The following JAK2 variants were observed in gnomAD, a reference collection of about 807,000 sequenced individuals.
The protein encoded by JAK2 is Janus kinase 2, also known as tyrosine-protein kinase JAK2.
A neutral mutation model predicts 139.3 loss-of-function variants in JAK2; 86 were observed. The ratio of observed to expected loss-of-function variants is 0.62; its 90% confidence interval spans 0.52 to 0.74. JAK2 has a LOEUF of 0.74. JAK2 is among the 30% of genes least tolerant of loss of function. JAK2 has a pLI of 0.00. For missense variants in JAK2, 1,421 were observed against 1,360.3 expected, an observed-to-expected ratio of 1.04 and a Z score of -0.70; for synonymous variants, 490 against 437.7, an observed-to-expected ratio of 1.12 and a Z score of -1.49.
chr9:5,105,140 G>C (rs7871704), intron 22 of JAK2, among the ~76,000 whole-genome samples: 1 of 151,978 alleles, frequency 6.6e-6, no homozygotes, highest in African/African-American at 2.4e-5. Flanking sequence ...CAGATGACAC[G>C]ACTGTATATT....
intron 22 of JAK2, among the ~76,000 whole-genome samples, chr9:5,092,819 T>C (rs534311063): frequency 5.9e-5 from 9 of 152,250 alleles, no homozygotes; most frequent in Admixed American, 2.0e-4. Flanking sequence ...TTGTCCAAGA[T>C]AGAATCTTAG....
At chr9:5,068,046 G>T (rs545608210) in intron 10 of JAK2, among the ~76,000 whole-genome samples, 31 of 152,104 alleles carry the variant, frequency 2.0e-4, no homozygotes, top group Admixed American at 1.7e-3. Context: ...TGTAGTCCCA[G>T]CTACTCGGGA....
chr9:4,999,738 C>T (rs755984656), intron 2 of JAK2, among the ~76,000 whole-genome samples: 9 of 152,284 alleles, frequency 5.9e-5, no homozygotes, highest in Middle Eastern at 6.8e-3. Context: ...CGTGAGCCCC[C>T]GTGCCTGGTG....
At chr9:5,015,580 G>C (rs545060704) in intron 2 of JAK2, among the ~76,000 whole-genome samples, 6 of 150,298 alleles carry the variant, frequency 4.0e-5, no homozygotes, top group African/African-American at 1.2e-4. Context: ...TGTTACTCAG[G>C]TTGGAGTGCA....
At chr9:5,096,035 C>CA (rs1314103089) in intron 22 of JAK2, among the ~76,000 whole-genome samples, 6 of 152,174 alleles carry the variant, frequency 3.9e-5, no homozygotes, top group East Asian at 1.9e-4. Context: ...CAAGAATTTT[C>CA]AAAAAACAAT....
intron 2 of JAK2, among the ~76,000 whole-genome samples, chr9:5,006,834 A>G (rs1821338727): frequency 6.6e-6 from 1 of 152,210 alleles, no homozygotes; most frequent in Non-Finnish European, 1.5e-5. Flanking sequence ...TATCAATTAT[A>G]TATAGAATTA....
At chr9:5,111,679 C>G (rs1822558656) in intron 22 of JAK2, 1 of 420,820 alleles carries the variant, frequency 2.4e-6, no homozygotes, top group African/African-American at 2.1e-5. Context: ...GCCCTGTGGG[C>G]AGTGGCGGAG....
chr9:5,085,648 TTG>T, intron 19 of JAK2: 1 of 723,720 alleles, frequency 1.4e-6, no homozygotes, highest in Non-Finnish European at 2.6e-6. Flanking sequence ...ACCCCAGATC[TTG>T]TGTGTTTTCC....
At chr9:5,041,944 C>A in intron 4 of JAK2, 1 of 384,662 alleles carries the variant, frequency 2.6e-6, no homozygotes, top group Non-Finnish European at 5.0e-6. Context: ...TTTCTTCCCC[C>A]TGAATCTTCT....
intron 18 of JAK2, among the ~76,000 whole-genome samples, chr9:5,080,927 A>G (rs1480011513): frequency 3.0e-4 from 31 of 104,952 alleles, no homozygotes; most frequent in African/African-American, 1.0e-3. Context: ...ATGGAGTCTT[A>G]CTCTGTCGCC....
chr9:5,097,175 GC>G (rs1412883022), intron 22 of JAK2: 1 of 151,972 alleles, frequency 6.6e-6, no homozygotes, highest in African/African-American at 2.4e-5. Context: ...TTAACAAAAA[GC>G]CCCCAGCCAT....
chr9:5,084,676 TTC>T (rs1400599443), intron 19 of JAK2, among the ~76,000 whole-genome samples: 5 of 152,198 alleles, frequency 3.3e-5, no homozygotes, highest in Admixed American at 1.3e-4. Flanking sequence ...TATACTTATA[TTC>T]TTTTTTAAAT....
Position 5,105,296 on chromosome 9 carries a change from A to ACTC in JAK2, c.3059+14387_3059+14388insCCT, listed in dbSNP as rs910766426. ...AAACATACAGCCAAATCATGAGTGA[A>ACTC]CTATTCACAATTGCTACAAAGAGAA... On this transcript the variant is annotated intron_variant, in intron 22 of 24. Transcript: ENST00000381652. Among the ~76,000 whole-genome samples, 18 of 152,338 alleles carry ACTC rather than the reference A, an allele frequency of 1.2e-4. 1 individual carries two copies. Among genetic ancestry groups the ACTC allele is most frequent in the African/African-American group, 4.1e-4 (17 of 41,574 alleles).
At chr9:5,035,823 G>A (rs900115652) in intron 4 of JAK2, among the ~76,000 whole-genome samples, 5 of 152,152 alleles carry the variant, frequency 3.3e-5, no homozygotes, top group African/African-American at 7.2e-5. Flanking sequence ...ACTGGCACAA[G>A]ACAGGGATGC....
chr9:5,127,219 G>A lies in JAK2; in HGVS notation c.*428G>A, dbSNP rs1824055991. On this transcript the variant is annotated 3_prime_UTR_variant, in exon 25 of 25. Coordinates refer to ENST00000381652, the MANE Select transcript of JAK2 (RefSeq NM_004972.4). Reference sequence around the variant, plus strand: ...ATCTTGTGTGATGTTTTACACACATGAGGGCTGGTGTTCATTAATACTGTT... The same window carrying A: ...ATCTTGTGTGATGTTTTACACACATAAGGGCTGGTGTTCATTAATACTGTT... 1 of 233,286 alleles carries A rather than the reference G, an allele frequency of 4.3e-6. No individual in the cohort carries two copies. The highest frequency in any genetic ancestry group is 2.2e-5 in the African/African-American group (1 of 45,380). The allele number at this position is 233,286 out of a possible 1,614,324, so 14.5% of individuals were successfully genotyped here.
chr9:5,072,049 C>T (rs1419002041), intron 12 of JAK2, among the ~76,000 whole-genome samples: 1 of 152,004 alleles, frequency 6.6e-6, no homozygotes, highest in Admixed American at 6.6e-5. Flanking sequence ...ATGAAGAAAC[C>T]ACGACAGCTG....
At chr9:5,017,665 C>T (rs943531896) in intron 2 of JAK2, among the ~76,000 whole-genome samples, 1 of 152,044 alleles carries the variant, frequency 6.6e-6, no homozygotes, top group Non-Finnish European at 1.5e-5. Context: ...TTAATACTGA[C>T]TATAATAAGA....
intron 22 of JAK2, chr9:5,109,202 C>T (rs1225493863): frequency 1.3e-5 from 2 of 152,186 alleles, no homozygotes; most frequent in East Asian, 1.9e-4. Context: ...GTTAAACCTT[C>T]CTTTACACGA....
chr9:5,016,729 T>C (rs1015979327), intron 2 of JAK2, among the ~76,000 whole-genome samples: 3 of 152,142 alleles, frequency 2.0e-5, no homozygotes, highest in African/African-American at 7.2e-5. Context: ...CTGTACCTCC[T>C]GCCAGTTATT....
Sources: allele counts gnomAD v4.1 joint callset (sites outside exome capture counted in the v4.1 genomes callset), GRCh38; gene constraint gnomAD v4.1.1; transcripts MANE v1.5; gene names NCBI Gene and HGNC (gene_info 2026-07-23, HGNC 2026-07-21).